FRMD6: variants seen among roughly 807,000 people sequenced by gnomAD.
The protein encoded by FRMD6 is FERM domain-containing protein 6.
Under a neutral mutation model 73.2 loss-of-function variants are expected in FRMD6, and 37 were observed. That is an observed-to-expected ratio of 0.51 (90% confidence interval 0.39 to 0.66). FRMD6 has a LOEUF of 0.66. FRMD6 is among the 30% of genes least tolerant of loss of function. FRMD6 has a pLI of 0.00. For synonymous variants in FRMD6, 273 were observed against 282.2 expected (o/e 0.97, Z 0.33); for missense variants, 714 against 780.5 (o/e 0.91, Z 1.02).
chr14:51,669,942 A>G (rs148058765), intron 1 of FRMD6, among the ~76,000 whole-genome samples: 33 of 152,168 alleles, frequency 2.2e-4, no homozygotes, highest in African/African-American at 7.7e-4. Context: ...TTAGAGTTTT[A>G]GCTTTTCAAT....
chr14:51,428,877 A>G, the FRMD6 span, among the ~76,000 whole-genome samples: 1 of 150,964 alleles, frequency 6.6e-6, no homozygotes, highest in Non-Finnish European at 1.5e-5. Flanking sequence ...CCTTTGCCAT[A>G]TGTGAAGACT....
intron 2 of FRMD6, among the ~76,000 whole-genome samples, chr14:51,599,356 G>T (rs1369915090): frequency 6.6e-6 from 1 of 152,050 alleles, no homozygotes; most frequent in East Asian, 1.9e-4. Flanking sequence ...ATGGATTAAA[G>T]ATTTAAACAT....
At chr14:51,718,333 T>C (rs953362310) in intron 10 of FRMD6, among the ~76,000 whole-genome samples, 2 of 152,188 alleles carry the variant, frequency 1.3e-5, no homozygotes, top group African/African-American at 4.8e-5. Flanking sequence ...ATAGAGGAAC[T>C]ATAGTGATCT....
At chr14:51,436,696 C>G in the FRMD6 span, 1 of 527,660 alleles carries the variant, frequency 1.9e-6, no homozygotes, top group Non-Finnish European at 3.5e-6. Flanking sequence ...GAGAGGTCAT[C>G]AAAGATGATA....
intron 11 of FRMD6, 66 bp downstream of exon 11, chr14:51,720,456 T>C: frequency 6.8e-7 from 1 of 1,477,416 alleles, no homozygotes; most frequent in South Asian, 1.2e-5. Flanking sequence ...ATTGGTTCTA[T>C]AGAACTGGTG....
intron 1 of FRMD6, among the ~76,000 whole-genome samples, chr14:51,664,877 T>G (rs1893463849): frequency 6.6e-6 from 1 of 152,224 alleles, no homozygotes; most frequent in Admixed American, 6.5e-5. Context: ...TGTAATTGGC[T>G]TGGAACAAAT....
chr14:51,648,705 C>T (rs933297762), upstream of FRMD6, among the ~76,000 whole-genome samples: 3 of 152,172 alleles, frequency 2.0e-5, no homozygotes, highest in East Asian at 1.9e-4. Context: ...TGTTAACTCA[C>T]GTGTCTGTTC....
chr14:51,659,832 T>G (rs1243595803), intron 1 of FRMD6, among the ~76,000 whole-genome samples: 1 of 152,228 alleles, frequency 6.6e-6, no homozygotes, highest in African/African-American at 2.4e-5. Context: ...CCCTAACCAT[T>G]GGCACAGTTT....
chr14:51,568,503 G>A (rs139486815), intron 1 of FRMD6, among the ~76,000 whole-genome samples: 123 of 152,326 alleles, frequency 8.1e-4, no homozygotes, highest in African/African-American at 2.5e-3. Context: ...AAGAAATGGC[G>A]AACACTGCAA....
intron 1 of FRMD6, among the ~76,000 whole-genome samples, chr14:51,499,804 C>T (rs1883500553): frequency 6.6e-6 from 1 of 152,142 alleles, no homozygotes; most frequent in Non-Finnish European, 1.5e-5. Flanking sequence ...CTTTTGGTCA[C>T]TTGGTTTCCC....
the FRMD6 span, among the ~76,000 whole-genome samples, chr14:51,416,747 G>A: frequency 3.9e-5 from 6 of 152,224 alleles, no homozygotes; most frequent in African/African-American, 1.4e-4. Context: ...AATACTGACA[G>A]TGGGGTGTTA....
At chr14:51,560,206 A>C (rs1887398830) in intron 1 of FRMD6, among the ~76,000 whole-genome samples, 1 of 152,212 alleles carries the variant, frequency 6.6e-6, no homozygotes, top group Admixed American at 6.5e-5. Flanking sequence ...GCAGAGTCTC[A>C]CCTAATACAA....
the FRMD6 span, among the ~76,000 whole-genome samples, chr14:51,396,459 C>T: frequency 6.6e-6 from 1 of 152,060 alleles, no homozygotes; most frequent in Non-Finnish European, 1.5e-5. Context: ...CTACGACCTG[C>T]AAGAGGTCTT....
intron 1 of FRMD6, among the ~76,000 whole-genome samples, chr14:51,674,616 A>G (rs1273040717): frequency 6.6e-6 from 1 of 152,026 alleles, no homozygotes; most frequent in Non-Finnish European, 1.5e-5. Context: ...TTTCTTTTTT[A>G]ACTTCAACCT....
intron 2 of FRMD6, among the ~76,000 whole-genome samples, chr14:51,606,337 C>T (rs1890255865): frequency 6.6e-6 from 1 of 152,206 alleles, no homozygotes; most frequent in Non-Finnish European, 1.5e-5. Context: ...TACACAGTCA[C>T]ACATACAAAT....
At chr14:51,647,365 A>C (rs1892124169), upstream of FRMD6, among the ~76,000 whole-genome samples, 1 of 152,220 alleles carries the variant, frequency 6.6e-6, no homozygotes, top group Non-Finnish European at 1.5e-5. Context: ...GCTGGGTTAA[A>C]TGAATGATAA....
In FRMD6 at chr14:51,559,938, C is replaced by A. The variant is rs1024729636; in HGVS notation, c.-209-10410C>A. ...GATGACTTATAAAGCCATTTCCAGG[C>A]GTGCCTAGAGTCTTTACATTGTAAA... On this transcript the variant is annotated intron_variant, in intron 1 of 14. Coordinates refer to the FRMD6 transcript ENST00000356218. 3.3e-5 allele frequency among the ~76,000 whole-genome samples: 5 copies of A among 152,226 alleles called. No homozygotes were observed. In the East Asian group the frequency reaches 9.6e-4, roughly 29 times the overall value.
intron 2 of FRMD6, among the ~76,000 whole-genome samples, chr14:51,690,375 GT>G (rs1046253479): frequency 6.6e-6 from 1 of 151,918 alleles, no homozygotes; most frequent in South Asian, 2.1e-4. Context: ...AACCTAGATA[GT>G]TTTTTTTGTT....
chr14:51,586,820 T>C (rs941991917), intron 2 of FRMD6, among the ~76,000 whole-genome samples: 3 of 152,160 alleles, frequency 2.0e-5, no homozygotes, highest in Non-Finnish European at 2.9e-5. Flanking sequence ...CATGGCTCAC[T>C]GCAGCCTCAA....
Sources: gnomAD v4.1 joint callset for allele counts (sites outside exome capture counted in the v4.1 genomes callset) on GRCh38, gnomAD v4.1.1 for gene constraint, MANE v1.5 for transcripts, NCBI Gene and HGNC (gene_info 2026-07-23, HGNC 2026-07-21) for gene names.